The following TAFA2 variants were observed in gnomAD, a reference collection of about 807,000 sequenced individuals.
The protein encoded by TAFA2 is chemokine-like protein TAFA-2.
TAFA2 carries 7 observed loss-of-function variants against 18.8 expected under a neutral mutation model. The observed-to-expected ratio is 0.37, with a 90% CI of 0.21 to 0.70. The LOEUF is 0.70. TAFA2 is among the 30% of genes least tolerant of loss of function. The probability of loss-of-function intolerance (pLI) is 0.53; values close to 1 mark genes in which losing one functional copy is unlikely to be tolerated. For synonymous variants in TAFA2, 60 were observed against 54.2 expected (o/e 1.11, Z -0.47); for missense variants, 122 against 158.1 (o/e 0.77, Z 1.23).
At chr12:61,904,720 T>C (rs1251283705) in intron 1 of TAFA2, among the ~76,000 whole-genome samples, 1 of 152,148 alleles carries the variant, frequency 6.6e-6, no homozygotes, top group Non-Finnish European at 1.5e-5. Context: ...ACGGTATACA[T>C]ATGAGAGAAA....
intron 1 of TAFA2, chr12:61,880,147 G>T: frequency 1.7e-6 from 1 of 573,682 alleles, no homozygotes; most frequent in South Asian, 1.7e-5. Context: ...ACTGCAGCTG[G>T]GCTAAGGCTG....
At chr12:61,733,452 A>T (rs1215178055) in intron 4 of TAFA2, among the ~76,000 whole-genome samples, 4 of 151,920 alleles carry the variant, frequency 2.6e-5, no homozygotes, top group African/African-American at 9.7e-5. Flanking sequence ...TTTTTGTATA[A>T]GATGTAAGGA....
intron 1 of TAFA2, among the ~76,000 whole-genome samples, chr12:62,086,396 A>G (rs996309388): frequency 6.6e-6 from 1 of 152,188 alleles, no homozygotes; most frequent in African/African-American, 2.4e-5. Flanking sequence ...CCAATCATAT[A>G]CCTGATAAGG....
intron 1 of TAFA2, among the ~76,000 whole-genome samples, chr12:61,943,891 T>A (rs1483865163): frequency 1.5e-3 from 207 of 141,058 alleles, no homozygotes; most frequent in African/African-American, 5.2e-3. Context: ...ATTAGACAGA[T>A]CAACGAGACA....
At chr12:62,233,066 CTTTTTTTT>C (rs34781688) in intron 1 of TAFA2, among the ~76,000 whole-genome samples, 6 of 39,534 alleles carry the variant, frequency 1.5e-4, no homozygotes, top group Non-Finnish European at 2.3e-4. Context: ...TTCTGCATCT[CTTTTTTTT>C]TTTTTTTTTT....
chr12:62,025,605 G>T (rs1881286480), intron 1 of TAFA2, among the ~76,000 whole-genome samples: 1 of 152,080 alleles, frequency 6.6e-6, no homozygotes, highest in South Asian at 2.1e-4. Context: ...TTTAAGCAGA[G>T]TGGGTAAAAT....
intron 2 of TAFA2, among the ~76,000 whole-genome samples, chr12:61,789,033 C>A (rs1445564800): frequency 6.6e-6 from 1 of 151,766 alleles, no homozygotes; most frequent in African/African-American, 2.4e-5. Flanking sequence ...CTTGTAGATT[C>A]TGGATATTAG....
chr12:61,947,924 T>A (rs1481395952), intron 1 of TAFA2, among the ~76,000 whole-genome samples: 1 of 152,116 alleles, frequency 6.6e-6, no homozygotes, highest in Non-Finnish European at 1.5e-5. Flanking sequence ...TATAAGGATA[T>A]ATACAAGCAT....
At chr12:61,798,140 T>G (rs1184797048) in intron 2 of TAFA2, among the ~76,000 whole-genome samples, 5 of 152,176 alleles carry the variant, frequency 3.3e-5, no homozygotes, top group Non-Finnish European at 7.3e-5. Flanking sequence ...AATGTATTCA[T>G]ATGTTTTATT....
intron 2 of TAFA2, among the ~76,000 whole-genome samples, chr12:61,800,445 G>T (rs1249321886): frequency 6.6e-6 from 1 of 152,130 alleles, no homozygotes; most frequent in Non-Finnish European, 1.5e-5. Context: ...ACAAGAAAGA[G>T]ATTTATTTGA....
chr12:61,819,829 G>A (rs933872882), intron 2 of TAFA2, among the ~76,000 whole-genome samples: 1 of 151,982 alleles, frequency 6.6e-6, no homozygotes, highest in East Asian at 1.9e-4. Context: ...ATTTTTCAGT[G>A]CCCATTCCCA....
intron 1 of TAFA2, among the ~76,000 whole-genome samples, chr12:62,002,972 A>T (rs1880428502): frequency 6.6e-6 from 1 of 152,038 alleles, no homozygotes; most frequent in Admixed American, 6.5e-5. Flanking sequence ...CACCCATCTG[A>T]CATCCTCTCT....
At chr12:61,733,856 C>T (rs558458030) in intron 4 of TAFA2, among the ~76,000 whole-genome samples, 2 of 151,132 alleles carry the variant, frequency 1.3e-5, no homozygotes, top group Admixed American at 1.3e-4. Context: ...CTATAAATTA[C>T]CTTGGGCAGT....
At chr12:62,060,255 A>G (rs1882309010) in intron 1 of TAFA2, among the ~76,000 whole-genome samples, 1 of 152,226 alleles carries the variant, frequency 6.6e-6, no homozygotes, top group Non-Finnish European at 1.5e-5. Context: ...GCAAATAATA[A>G]ATACAATCAT....
At chr12:61,937,768 C>T (rs1040980620) in intron 1 of TAFA2, among the ~76,000 whole-genome samples, 7 of 151,814 alleles carry the variant, frequency 4.6e-5, no homozygotes, top group African/African-American at 1.7e-4. Flanking sequence ...TGACTAAGAC[C>T]ACAAAAGCAA....
intron 1 of TAFA2, among the ~76,000 whole-genome samples, chr12:62,142,502 C>T (rs950669492): frequency 6.6e-6 from 1 of 152,098 alleles, no homozygotes; most frequent in African/African-American, 2.4e-5. Context: ...AAACTGGAGC[C>T]TAACTAAAAA....
At chr12:62,211,914 T>C (rs1048003323) in intron 1 of TAFA2, among the ~76,000 whole-genome samples, 2 of 152,206 alleles carry the variant, frequency 1.3e-5, no homozygotes, top group African/African-American at 4.8e-5. Flanking sequence ...GAAAAAAGCA[T>C]GGTTAATGCA....
At chr12:62,256,876 A>G (rs2062941715) in intron 1 of TAFA2, among the ~76,000 whole-genome samples, 1 of 152,124 alleles carries the variant, frequency 6.6e-6, no homozygotes, top group African/African-American at 2.4e-5. Flanking sequence ...ACTGCCTTTT[A>G]GCTGCTCTGA....
At chr12:61,801,952 G>A (rs1426921748) in intron 2 of TAFA2, among the ~76,000 whole-genome samples, 1 of 151,944 alleles carries the variant, frequency 6.6e-6, no homozygotes, top group Admixed American at 6.6e-5. Flanking sequence ...ATGGGCAAAG[G>A]ATCTGAATGG....
Sources: gnomAD v4.1 joint callset for allele counts (sites outside exome capture counted in the v4.1 genomes callset) on GRCh38, gnomAD v4.1.1 for gene constraint, MANE v1.5 for transcripts, NCBI Gene and HGNC (gene_info 2026-07-23, HGNC 2026-07-21) for gene names.